The following SLIT2 variants were observed in gnomAD, a reference collection of about 807,000 sequenced individuals.
SLIT2 encodes slit guidance ligand 2.
A neutral mutation model predicts 185.7 loss-of-function variants in SLIT2; 41 were observed. The observed-to-expected ratio is 0.22, with a 90% CI of 0.17 to 0.29. The LOEUF (loss-of-function observed/expected upper bound fraction) is 0.29, where lower values mean the gene tolerates loss of function less well. SLIT2 is among the 10% of genes least tolerant of loss of function. SLIT2 has a pLI of 1.00. For missense variants in SLIT2, 1,571 were observed against 1,909.0 expected (o/e 0.82, Z 3.30); for synonymous variants, 693 against 680.2 (o/e 1.02, Z -0.29).
intron 21 of SLIT2, among the ~76,000 whole-genome samples, chr4:20,544,300 A>C (rs914035861): frequency 1.3e-5 from 2 of 152,188 alleles, no homozygotes; most frequent in Non-Finnish European, 2.9e-5. Flanking sequence ...TTGATGCTAA[A>C]TCCCTTCTTC....
intron 4 of SLIT2, among the ~76,000 whole-genome samples, chr4:20,466,545 A>C (rs13151540): frequency 1.3e-5 from 2 of 152,098 alleles, no homozygotes; most frequent in African/African-American, 4.8e-5. Context: ...TATAAATGCA[A>C]TTCTTCGTTG....
intron 4 of SLIT2, among the ~76,000 whole-genome samples, chr4:20,350,255 T>C (rs557049567): frequency 2.6e-5 from 4 of 152,236 alleles, no homozygotes; most frequent in Non-Finnish European, 5.9e-5. Flanking sequence ...TAAGTCGATA[T>C]AGTATTTTCT....
chr4:20,321,858 A>G (rs1719118831), intron 4 of SLIT2, among the ~76,000 whole-genome samples: 1 of 151,904 alleles, frequency 6.6e-6, no homozygotes, highest in Admixed American at 6.6e-5. Flanking sequence ...CAGTGGCTTG[A>G]TCCATCTGAA....
intron 4 of SLIT2, among the ~76,000 whole-genome samples, chr4:20,340,285 T>A (rs1043954606): frequency 2.6e-5 from 4 of 152,160 alleles, no homozygotes; most frequent in African/African-American, 9.7e-5. Context: ...TGTACTACCT[T>A]CTTTATTTAA....
intron 4 of SLIT2, among the ~76,000 whole-genome samples, chr4:20,437,694 C>T (rs1408075060): frequency 2.0e-5 from 3 of 151,888 alleles, no homozygotes; most frequent in East Asian, 1.9e-4. Flanking sequence ...GGGCGGATCA[C>T]GAGGTCAGGA....
chr4:20,424,468 A>G (rs1047889259), intron 4 of SLIT2, among the ~76,000 whole-genome samples: 1 of 152,068 alleles, frequency 6.6e-6, no homozygotes, highest in Non-Finnish European at 1.5e-5. Flanking sequence ...ATCTCATACA[A>G]TAAAATTTCA....
At chr4:20,497,873 C>T (rs1366907656) in intron 9 of SLIT2, among the ~76,000 whole-genome samples, 2 of 151,838 alleles carry the variant, frequency 1.3e-5, no homozygotes, top group Admixed American at 6.6e-5. Flanking sequence ...TATACTAAAA[C>T]AAAACAAAAC....
At chr4:20,314,769 A>G (rs1247167141) in intron 4 of SLIT2, among the ~76,000 whole-genome samples, 1 of 152,156 alleles carries the variant, frequency 6.6e-6, no homozygotes, top group African/African-American at 2.4e-5. Context: ...TTAACAGGTA[A>G]TTCACAAAGA....
At chr4:20,596,112 A>C (rs1727959096) in intron 31 of SLIT2, among the ~76,000 whole-genome samples, 1 of 152,192 alleles carries the variant, frequency 6.6e-6, no homozygotes, top group Admixed American at 6.5e-5. Flanking sequence ...TTTTAAGACA[A>C]AAAACGTAGA....
chr4:20,569,146 C>A (rs774395884), intron 29 of SLIT2, 142 bp downstream of exon 29: 5 of 727,744 alleles, frequency 6.9e-6, no homozygotes, highest in Non-Finnish European at 1.2e-5. Flanking sequence ...ATGTAAATAA[C>A]ATAAGGACTT....
chr4:20,329,730 A>G (rs922819071), intron 4 of SLIT2, among the ~76,000 whole-genome samples: 1 of 152,092 alleles, frequency 6.6e-6, no homozygotes, highest in South Asian at 2.1e-4. Context: ...TGATTTGATC[A>G]TACATGTCCA....
At chr4:20,605,722 T>TATTTC (rs1728744680) in intron 33 of SLIT2, among the ~76,000 whole-genome samples, 3 of 142,516 alleles carry the variant, frequency 2.1e-5, no homozygotes. Context: ...TATTTTATTT[T>TATTTC]ATTTTATTTT....
At position 20,486,122 on chromosome 4, in the gene SLIT2, G is replaced by A. The variant is rs115579817; in HGVS notation, c.540-78G>A. ...GTCCTGCATAAGCATAGTACAAGAC[G>A]TTTTCTCTATGTTAATATATAAAAT... On this transcript the variant is annotated intron_variant, in intron 6 of 36. Coordinates refer to ENST00000504154, the MANE Select transcript of SLIT2 (RefSeq NM_004787.4). 2.1e-3 allele frequency: 1,874 copies of A among 875,532 alleles called. 23 individuals are homozygous for A. The African/African-American group carries it at 0.027, about 13-fold the overall frequency. 54.2% of individuals were successfully genotyped at this position (875,532 alleles called of 1,614,324 possible). A position where few individuals can be genotyped will look rare whatever the true frequency, so the allele number is the denominator to read the frequency against.
In SLIT2 at chr4:20,253,779, C is replaced by T. The variant is rs375946547; in HGVS notation, c.-37C>T. On this transcript the variant is annotated 5_prime_UTR_variant, in exon 1 of 37. Coordinates refer to ENST00000504154, the MANE Select transcript of SLIT2 (RefSeq NM_004787.4). ...CCTCGGAGCAGCAAGCTAAAGAAAG[C>T]CCCCAGTGCCGGCGAGGAAGGAGGC... is the stretch of plus-strand genomic sequence containing the variant. The T allele has an allele frequency of 1.8e-4, 280 of 1,590,530 alleles. No individual in the cohort carries two copies. The highest frequency in any genetic ancestry group is 2.2e-4 in the Non-Finnish European group (256 of 1,175,176).
In SLIT2 at chr4:20,447,806, A is replaced by G. The variant is rs558179954; in HGVS notation, c.396-19946A>G. Among the ~76,000 whole-genome samples the G allele has an allele frequency of 5.9e-5, 9 of 152,354 alleles. 1 individual carries two copies. In the South Asian group the frequency reaches 1.7e-3, roughly 28 times the overall value. ...GACACACGCAAGTGCCCACATGAAAACAGTCAGTGAATGCAAAAGTAATTG... is the reference window on the plus strand; with the variant it reads ...GACACACGCAAGTGCCCACATGAAAGCAGTCAGTGAATGCAAAAGTAATTG... On this transcript the variant is annotated intron_variant, in intron 4 of 36. Coordinates refer to ENST00000504154, the MANE Select transcript of SLIT2 (RefSeq NM_004787.4).
intron 22 of SLIT2, among the ~76,000 whole-genome samples, chr4:20,546,891 T>G (rs755804311): frequency 6.6e-6 from 1 of 152,052 alleles, no homozygotes; most frequent in East Asian, 1.9e-4. Flanking sequence ...AAAAAGATAG[T>G]AGATATTAAT....
At chr4:20,440,833 G>C (rs1027404137) in intron 4 of SLIT2, among the ~76,000 whole-genome samples, 1 of 152,016 alleles carries the variant, frequency 6.6e-6, no homozygotes, top group Admixed American at 6.6e-5. Flanking sequence ...TAACATTTGC[G>C]AGTGTGGTGG....
chr4:20,594,133 A>G (rs535306242), intron 30 of SLIT2, among the ~76,000 whole-genome samples: 2 of 149,440 alleles, frequency 1.3e-5, no homozygotes, highest in African/African-American at 4.9e-5. Context: ...GTGCATATAT[A>G]TACATATATA....
chr4:20,422,545 G>T (rs1728243328), intron 4 of SLIT2, among the ~76,000 whole-genome samples: 1 of 152,148 alleles, frequency 6.6e-6, no homozygotes, highest in Non-Finnish European at 1.5e-5. Flanking sequence ...CTTCCAGGAA[G>T]CTTACATCCT....
Sources: allele counts gnomAD v4.1 joint callset (sites outside exome capture counted in the v4.1 genomes callset), GRCh38; gene constraint gnomAD v4.1.1; transcripts MANE v1.5; gene names NCBI Gene and HGNC (gene_info 2026-07-23, HGNC 2026-07-21).